The following BTN3A2 variants were observed in gnomAD, a reference collection of about 807,000 sequenced individuals.
BTN3A2 encodes the protein butyrophilin subfamily 3 member A2.
In BTN3A2, 25 loss-of-function variants were observed where a neutral mutation model predicts 37.6. The observed-to-expected ratio is 0.66, with a 90% CI of 0.48 to 0.93. The LOEUF (loss-of-function observed/expected upper bound fraction) is 0.93. BTN3A2 is among the 40% of genes least tolerant of loss of function. BTN3A2 has a pLI of 0.00. For missense variants in BTN3A2, 266 were observed against 410.9 expected, an observed-to-expected ratio of 0.65 and a Z score of 3.05; for synonymous variants, 122 against 159.4, an observed-to-expected ratio of 0.77 and a Z score of 1.77.
At chr6:26,365,928 A>G (rs1762025840) in intron 1 of BTN3A2, among the ~76,000 whole-genome samples, 1 of 152,240 alleles carries the variant, frequency 6.6e-6, no homozygotes, top group Non-Finnish European at 1.5e-5. Context: ...GTTCCATGTA[A>G]CCATTAGGAA....
chr6:26,367,595 G>A (rs1319337779), intron 1 of BTN3A2, among the ~76,000 whole-genome samples: 1 of 152,200 alleles, frequency 6.6e-6, no homozygotes, highest in Non-Finnish European at 1.5e-5. Context: ...ATGAAGGGAA[G>A]AAAGAAAAGA....
Position 26,378,303 on chromosome 6 carries a change from A to G in BTN3A2, c.*2541A>G, listed in dbSNP as rs758250764. ...TTCTAGTTGTTCAATAAATTTGTTA[A>G]TAATGCTGACTCTTCAACTTGGTTT... On this transcript the variant is annotated 3_prime_UTR_variant, in exon 11 of 11. Transcript: ENST00000377708. The G allele has an allele frequency of 1.2e-4, 19 of 152,210 alleles. No homozygotes were observed. Among genetic ancestry groups the G allele is most frequent in the Non-Finnish European group, 2.2e-4 (15 of 68,056 alleles). 9.4% of individuals were successfully genotyped at this position (152,210 alleles called of 1,614,324 possible). A position where few individuals can be genotyped will look rare whatever the true frequency, so the allele number is the denominator to read the frequency against.
intron 9 of BTN3A2, 126 bp downstream of exon 9, chr6:26,374,499 T>C (rs1760507132): frequency 9.2e-7 from 1 of 1,090,806 alleles, no homozygotes; most frequent in Non-Finnish European, 1.4e-6. Context: ...GGGGTTCACC[T>C]CCGCTTTTCT....
intron 5 of BTN3A2, among the ~76,000 whole-genome samples, chr6:26,371,317 C>T (rs1760092108): frequency 6.6e-6 from 1 of 151,892 alleles, no homozygotes; most frequent in Non-Finnish European, 1.5e-5. Context: ...GTTAACAAAG[C>T]CCATGAATTA....
At position 26,375,787 on chromosome 6, in the gene BTN3A2, C is replaced by T. The variant is rs529438383; in HGVS notation, c.*35-10C>T. 1 of 1,550,228 alleles carries T rather than the reference C, an allele frequency of 6.5e-7. No individual in the cohort carries two copies. The highest frequency in any genetic ancestry group is 1.2e-5 in the South Asian group (1 of 84,006). On this transcript the variant is annotated splice_polypyrimidine_tract_variant and intron_variant, in intron 10 of 10. Coordinates refer to ENST00000377708, the MANE Select transcript of BTN3A2 (RefSeq NM_007047.5). ...CGCTAGAGATTCATATGTTTATCCC[C>T]ATTTTTCAGGTGAGGAAATGCTTCA... is the stretch of plus-strand genomic sequence containing the variant.
chr6:26,366,866 T>A (rs1759559920), intron 1 of BTN3A2, among the ~76,000 whole-genome samples: 1 of 152,260 alleles, frequency 6.6e-6, no homozygotes, highest in Non-Finnish European at 1.5e-5. Flanking sequence ...TAGTATTTAC[T>A]GAGCAGCTAA....
chr6:26,377,080 T>C lies in BTN3A2; in HGVS notation c.*1318T>C. The C allele has an allele frequency of 7.3e-7, 1 of 1,361,650 alleles. No homozygotes were observed. The allele number at this position is 1,361,650 out of a possible 1,614,324, so 84.3% of individuals were successfully genotyped here. On this transcript the variant is annotated 3_prime_UTR_variant, in exon 11 of 11. Transcript: ENST00000377708. ...ATTTTGACCTTGGAGCCCACTGCCC[T>C]GACCGTTTGCCCAATACCAAAAGTA... is the stretch of plus-strand genomic sequence containing the variant.
At position 26,365,270 on chromosome 6, in the gene BTN3A2, A is replaced by G. The variant is rs756365028; in HGVS notation, c.-149A>G. The G allele has an allele frequency of 8.4e-5, 127 of 1,517,018 alleles. No individual in the cohort carries two copies. The highest frequency in any genetic ancestry group is 1.1e-4 in the Non-Finnish European group (121 of 1,129,806). The allele number at this position is 1,517,018 out of a possible 1,614,324, so 94.0% of individuals were successfully genotyped here. A position where few individuals can be genotyped will look rare whatever the true frequency, so the allele number is the denominator to read the frequency against. Reference sequence around the variant, plus strand: ...TTTCCTTTCTTCCGGATGAGAGGCTAAGCCATAATAGAAAGAATGGAGAAT... The same window carrying G: ...TTTCCTTTCTTCCGGATGAGAGGCTGAGCCATAATAGAAAGAATGGAGAAT... On this transcript the variant is annotated 5_prime_UTR_variant, in exon 1 of 11. It removes the in-frame stop codon of an upstream open reading frame in the 5' UTR. Coordinates refer to ENST00000377708, the MANE Select transcript of BTN3A2 (RefSeq NM_007047.5).
chr6:26,368,933 C>A lies in BTN3A2; in HGVS notation c.433+21C>A, dbSNP rs200192027. ...TGCAGGTGAGCCTCCAGGTTTTGTT[C>A]TGAGAACATTTCTCTGTAGGATCTA... On this transcript the variant is annotated intron_variant, in intron 4 of 10. Coordinates refer to ENST00000377708, the MANE Select transcript of BTN3A2 (RefSeq NM_007047.5). The A allele has an allele frequency of 2.8e-3, 3,777 of 1,337,256 alleles. 7 individuals are homozygous for A. Among genetic ancestry groups the A allele is most frequent in the Middle Eastern group, 0.02 (78 of 3,838 alleles). The allele number at this position is 1,337,256 out of a possible 1,614,324, so 82.8% of individuals were successfully genotyped here. A position where few individuals can be genotyped will look rare whatever the true frequency, so the allele number is the denominator to read the frequency against.
chr6:26,371,594 C>T (rs1760120246), intron 5 of BTN3A2, among the ~76,000 whole-genome samples: 1 of 152,184 alleles, frequency 6.6e-6, no homozygotes, highest in Non-Finnish European at 1.5e-5. Flanking sequence ...TCGATCCAAA[C>T]TTCCACTTCT....
chr6:26,365,948 T>C (rs1762027337), intron 1 of BTN3A2, among the ~76,000 whole-genome samples: 1 of 152,210 alleles, frequency 6.6e-6, no homozygotes. Context: ...ATCATAATTT[T>C]AATTAAGTGA....
chr6:26,374,294 T>C (rs769937733), intron 8 of BTN3A2, 33 bp from the exon 9 acceptor site: 2 of 1,590,732 alleles, frequency 1.3e-6, no homozygotes, highest in Non-Finnish European at 8.6e-7. Context: ...AAGGCAGAGT[T>C]CTGGTGACAC....
chr6:26,374,498 C>A, intron 9 of BTN3A2, 125 bp downstream of exon 9: 1 of 1,093,844 alleles, frequency 9.1e-7, no homozygotes. Context: ...GGGGGTTCAC[C>A]TCCGCTTTTC....
At position 26,377,033 on chromosome 6, in the gene BTN3A2, GC is replaced by G. The variant is rs1760754698; in HGVS notation, c.*1273del. The G allele has an allele frequency of 1.1e-5, 16 of 1,394,962 alleles. No homozygotes were observed. In the South Asian group the frequency reaches 1.5e-4, roughly 13 times the overall value. The allele number at this position is 1,394,962 out of a possible 1,614,324, so 86.4% of individuals were successfully genotyped here. On this transcript the variant is annotated 3_prime_UTR_variant, in exon 11 of 11. Transcript: ENST00000377708. The stretch of plus-strand genomic sequence containing the variant: ...CATTTCTGCACGCCTCTTCCTCTGA[GC>G]CTCTGTATCCTGTATTCAGAATTTT...
At chr6:26,371,699 G>A (rs111886880) in intron 5 of BTN3A2, among the ~76,000 whole-genome samples, 1 of 149,586 alleles carries the variant, frequency 6.7e-6, no homozygotes, top group Non-Finnish European at 1.5e-5. Context: ...TTTTTTTTTA[G>A]ACAAAGTCTC....
At chr6:26,374,135 G>T in intron 8 of BTN3A2, 192 bp from the exon 9 acceptor site, 2 of 500,382 alleles carry the variant, frequency 4.0e-6, no homozygotes, top group Non-Finnish European at 6.8e-6. Flanking sequence ...TCCCAGACTT[G>T]ATATTAAGAA....
chr6:26,368,133 G>A (rs1353372005), intron 2 of BTN3A2, 45 bp from the exon 3 acceptor site: 1 of 1,607,576 alleles, frequency 6.2e-7, no homozygotes, highest in African/African-American at 1.3e-5. Flanking sequence ...CTTCTTCCAG[G>A]CCATAGTGTC....
chr6:26,365,474 CTGTG>C (rs55949951), intron 1 of BTN3A2, 122 bp downstream of exon 1: 34,523 of 547,468 alleles, frequency 0.063, 339 homozygotes, highest in South Asian at 0.088. Context: ...GGTGCAGTGC[CTGTG>C]TGTGTGTGTG....
intron 8 of BTN3A2, 182 bp from the exon 9 acceptor site, chr6:26,374,145 A>G: frequency 1.9e-6 from 1 of 525,350 alleles, no homozygotes; most frequent in Non-Finnish European, 3.3e-6. Context: ...GATATTAAGA[A>G]GAGGTGAAGA....
Sources: allele counts gnomAD v4.1 joint callset (sites outside exome capture counted in the v4.1 genomes callset), GRCh38; gene constraint gnomAD v4.1.1; transcripts MANE v1.5; gene names NCBI Gene and HGNC (gene_info 2026-07-23, HGNC 2026-07-21).